Variants in MGLL observed in about 807,000 individuals in gnomAD.
MGLL encodes lysophospholipase homolog.
In MGLL, 7 loss-of-function variants were observed where a neutral mutation model predicts 29.1. The observed-to-expected ratio is 0.24, with a 90% confidence interval of 0.14 to 0.45. The LOEUF is 0.45. MGLL is among the 20% of genes least tolerant of loss of function. The pLI, the probability that MGLL is intolerant of heterozygous loss-of-function variation, is 0.99. For synonymous variants in MGLL, 148 were observed against 168.3 expected, an observed-to-expected ratio of 0.88 and a Z score of 0.93; for missense variants, 356 against 413.6, an observed-to-expected ratio of 0.86 and a Z score of 1.21.
At chr3:127,716,591 C>T (rs1038569666) in intron 5 of MGLL, among the ~76,000 whole-genome samples, 4 of 152,380 alleles carry the variant, frequency 2.6e-5, no homozygotes, top group South Asian at 2.1e-4. Flanking sequence ...TGCACCATCA[C>T]GCCTGTCACT....
chr3:127,806,945 C>T (rs2077577899), intron 2 of MGLL, among the ~76,000 whole-genome samples: 1 of 152,062 alleles, frequency 6.6e-6, no homozygotes, highest in Non-Finnish European at 1.5e-5. Context: ...AAATACTGAC[C>T]TTTAGTTTTC....
chr3:127,743,665 A>G (rs56197093), intron 3 of MGLL, among the ~76,000 whole-genome samples: 21,947 of 150,374 alleles, frequency 0.15, 1,637 homozygotes, highest in African/African-American at 0.17. Context: ...CCGGAGAGGC[A>G]ATGTGTTAGA....
rs139667048 is a variant in MGLL, at chr3:127,759,148, C to A, written c.262+22641G>T. Among the ~76,000 whole-genome samples the A allele has an allele frequency of 8.2e-3, 1,247 of 152,270 alleles. 21 individuals are homozygous for A. The highest frequency in any genetic ancestry group is 0.029 in the African/African-American group (1,194 of 41,530). ...CCATGTTGGCCAGGCTGGTCTTGAACTCCTGACCTCAAGTGATCAACCTGC... is the reference window on the plus strand; with the variant it reads ...CCATGTTGGCCAGGCTGGTCTTGAAATCCTGACCTCAAGTGATCAACCTGC... On this transcript the variant is annotated intron_variant, in intron 3 of 7. Coordinates refer to ENST00000265052, the MANE Select transcript of MGLL (RefSeq NM_007283.7).
chr3:127,716,830 A>T (rs931634670), intron 5 of MGLL, among the ~76,000 whole-genome samples: 2 of 152,202 alleles, frequency 1.3e-5, no homozygotes, highest in Non-Finnish European at 2.9e-5. Flanking sequence ...TAGGACGGCC[A>T]TGTGGGGGAC....
chr3:127,788,139 C>G (rs2077244465), intron 2 of MGLL, among the ~76,000 whole-genome samples: 1 of 152,144 alleles, frequency 6.6e-6, no homozygotes, highest in African/African-American at 2.4e-5. Flanking sequence ...CAGGGAGGGC[C>G]TTTGAGAGGA....
chr3:127,776,336 G>A (rs1445040784), intron 3 of MGLL, among the ~76,000 whole-genome samples: 2 of 151,890 alleles, frequency 1.3e-5, no homozygotes, highest in Admixed American at 6.5e-5. Flanking sequence ...TGATGCCCAG[G>A]TGACACCAAA....
intron 2 of MGLL, 31 bp downstream of exon 2, chr3:127,821,663 C>A: frequency 6.2e-7 from 1 of 1,613,114 alleles, no homozygotes; most frequent in South Asian, 1.1e-5. Context: ...GCTCCCCTGT[C>A]ACCTGGGGTG....
In MGLL at chr3:127,761,630, G is replaced by T. The variant is rs7652615; in HGVS notation, c.262+20159C>A. 0.79 allele frequency among the ~76,000 whole-genome samples: 120,488 copies of T among 152,212 alleles called. 48,145 individuals carry two copies. The highest frequency in any genetic ancestry group is 0.87 in the Admixed American group (13,245 of 15,302). On this transcript the variant is annotated intron_variant, in intron 3 of 7. Transcript: ENST00000265052. This position sits in a 1 kb window ranked among gnomAD's most constrained non-coding sequence, Gnocchi z 4.6. ...CACCAGTCCACCACAAAGGTACTGT[G>T]GGTTTCCTCTTTTGGCTGGTGAGGA...
At chr3:127,796,225 C>A (rs1417561084) in intron 2 of MGLL, among the ~76,000 whole-genome samples, 1 of 152,188 alleles carries the variant, frequency 6.6e-6, no homozygotes, top group Admixed American at 6.5e-5. Flanking sequence ...ATCCCAGTTC[C>A]CTTTTCTGAG....
At chr3:127,762,144 G>A (rs935382578) in intron 3 of MGLL, among the ~76,000 whole-genome samples, 10 of 152,324 alleles carry the variant, frequency 6.6e-5, no homozygotes, top group African/African-American at 1.7e-4. Context: ...CAGTGCAGTC[G>A]TGGTTTATTG....
At chr3:127,737,727 C>G (rs2076269447) in intron 3 of MGLL, among the ~76,000 whole-genome samples, 3 of 145,548 alleles carry the variant, frequency 2.1e-5, no homozygotes, top group South Asian at 2.2e-4. Flanking sequence ...TCACTGCAAC[C>G]TCCACCTCCC....
intron 3 of MGLL, among the ~76,000 whole-genome samples, chr3:127,759,042 C>T (rs550637224): frequency 2.8e-4 from 43 of 151,692 alleles, no homozygotes; most frequent in South Asian, 1.9e-3. Context: ...CCTGCCTCAG[C>T]GTCCTGAGTA....
At chr3:127,757,634 A>G (rs11711929) in intron 3 of MGLL, among the ~76,000 whole-genome samples, 2,959 of 152,304 alleles carry the variant, frequency 0.019, 35 homozygotes, top group South Asian at 0.031. Context: ...CACCAGAGAA[A>G]GAAACTCTTC....
At chr3:127,789,971 C>A (rs2077273285) in intron 2 of MGLL, among the ~76,000 whole-genome samples, 1 of 152,124 alleles carries the variant, frequency 6.6e-6, no homozygotes, top group South Asian at 2.1e-4. Context: ...TTTTTATTAT[C>A]ATAAAACACT....
intron 3 of MGLL, among the ~76,000 whole-genome samples, chr3:127,749,707 G>T (rs1258093229): frequency 6.6e-6 from 1 of 152,128 alleles, no homozygotes; most frequent in East Asian, 1.9e-4. Context: ...GTCATGGTGG[G>T]GGTCAGACAA....
chr3:127,762,278 T>C (rs542225041), intron 3 of MGLL, among the ~76,000 whole-genome samples: 2 of 152,078 alleles, frequency 1.3e-5, no homozygotes, highest in South Asian at 2.1e-4. Flanking sequence ...GCCCTGACGG[T>C]TGGCAGCATT....
Position 127,809,638 on chromosome 3 carries a change from T to TAA in MGLL, c.155+12054_155+12055dup, listed in dbSNP as rs35000374. Among the ~76,000 whole-genome samples, 166 of 143,462 alleles carry TAA rather than the reference T, an allele frequency of 1.2e-3. 2 individuals carry two copies. Among genetic ancestry groups the TAA allele is most frequent in the Non-Finnish European group, 2.0e-3 (130 of 65,044 alleles). 94.1% of individuals were successfully genotyped at this position (143,462 alleles called of 152,430 possible). The stretch of plus-strand genomic sequence containing the variant: ...AAAGCCCTGTCTCTTAAAACAACAA[T>TAA]AAAAAAAAAAAAGACTAATGAGTGA... On this transcript the variant is annotated intron_variant, in intron 2 of 7. Coordinates refer to ENST00000265052, the MANE Select transcript of MGLL (RefSeq NM_007283.7).
chr3:127,743,920 C>T (rs1189999068), intron 3 of MGLL, among the ~76,000 whole-genome samples: 1 of 152,158 alleles, frequency 6.6e-6, no homozygotes, highest in East Asian at 1.9e-4. Flanking sequence ...TTTTCGTCCC[C>T]CCGACTACCA....
intron 3 of MGLL, among the ~76,000 whole-genome samples, chr3:127,771,271 G>A (rs1021049813): frequency 7.9e-5 from 12 of 152,098 alleles, no homozygotes; most frequent in African/African-American, 2.9e-4. Flanking sequence ...TGAGCTTCGT[G>A]GACCCAGCGA....
Sources: gnomAD v4.1 joint callset for allele counts (sites outside exome capture counted in the v4.1 genomes callset) on GRCh38, gnomAD v4.1.1 for gene constraint, Gnocchi (gnomAD v3.1) non-coding constraint, MANE v1.5 for transcripts, NCBI Gene and HGNC (gene_info 2026-07-23, HGNC 2026-07-21) for gene names.